MYO1D: variants seen among roughly 807,000 people sequenced by gnomAD.
MYO1D encodes the protein myosin ID, also known as unconventional myosin-Id.
A neutral mutation model predicts 122.0 loss-of-function variants in MYO1D; 83 were observed. The ratio of observed to expected loss-of-function variants is 0.68; its 90% CI spans 0.57 to 0.82. The LOEUF is 0.82. Ranked by LOEUF, MYO1D falls within the 40% of genes least tolerant of loss-of-function variation. The pLI, the probability that MYO1D is intolerant of heterozygous loss-of-function variation, is 0.00. For missense variants in MYO1D, 1,157 were observed against 1,269.5 expected (o/e 0.91, Z 1.35); for synonymous variants, 464 against 446.9 (o/e 1.04, Z -0.48).
At chr17:32,547,195 T>C (rs956934293) in intron 21 of MYO1D, among the ~76,000 whole-genome samples, 1 of 152,152 alleles carries the variant, frequency 6.6e-6, no homozygotes, top group Non-Finnish European at 1.5e-5. Flanking sequence ...GTGTGGGCCA[T>C]TGTGCCGGCA....
intron 21 of MYO1D, among the ~76,000 whole-genome samples, chr17:32,514,484 A>C (rs1909817830): frequency 6.6e-6 from 1 of 152,196 alleles, no homozygotes; most frequent in Admixed American, 6.5e-5. Context: ...GAAAATGTCC[A>C]AACTTTAAAA....
intron 11 of MYO1D, among the ~76,000 whole-genome samples, chr17:32,751,827 A>G (rs1488202560): frequency 6.6e-6 from 1 of 152,220 alleles, no homozygotes; most frequent in African/African-American, 2.4e-5. Context: ...GGAAGAATTA[A>G]TGTCATTAAA....
intron 5 of MYO1D, 120 bp downstream of exon 5, chr17:32,772,669 A>G: frequency 1.2e-6 from 1 of 811,580 alleles, no homozygotes; most frequent in African/African-American, 1.7e-5. Flanking sequence ...TGCATGCGTG[A>G]CATGTTACGG....
intron 11 of MYO1D, among the ~76,000 whole-genome samples, chr17:32,752,087 T>A (rs565388701): frequency 7.3e-4 from 111 of 152,202 alleles, no homozygotes; most frequent in African/African-American, 2.6e-3. Flanking sequence ...GACATATAGA[T>A]CAATGGGACA....
chr17:32,666,176 T>A (rs546480370), intron 16 of MYO1D, among the ~76,000 whole-genome samples: 14 of 152,252 alleles, frequency 9.2e-5, no homozygotes, highest in African/African-American at 3.1e-4. Context: ...ACCAACCTCC[T>A]CTGTCAGGGC....
In MYO1D at chr17:32,739,641, TA is replaced by T. The variant is rs939885499; in HGVS notation, c.1614-1257del. Among the ~76,000 whole-genome samples, 60 of 151,440 alleles carry T rather than the reference TA, an allele frequency of 4.0e-4. No homozygotes were observed. The East Asian group carries it at 9.9e-3, about 25-fold the overall frequency. ...ATGTACCCTAGAACTAAAAGTATAA[TA>T]AAAAAAAATTGGGGGTTGAGAAGAG... On this transcript the variant is annotated intron_variant, in intron 13 of 21. Coordinates refer to ENST00000318217, the MANE Select transcript of MYO1D (RefSeq NM_015194.3).
chr17:32,700,906 T>C (rs1421616034), intron 16 of MYO1D, among the ~76,000 whole-genome samples: 1 of 147,238 alleles, frequency 6.8e-6, no homozygotes. Context: ...ATCACGCCAT[T>C]GTACTCCAGC....
chr17:32,551,261 GCTCAGAT>G (rs1222964281), intron 21 of MYO1D, among the ~76,000 whole-genome samples: 1 of 152,148 alleles, frequency 6.6e-6, no homozygotes, highest in Admixed American at 6.5e-5. Context: ...GGCAGTGCAT[GCTCAGAT>G]CATACATTTT....
chr17:32,596,372 G>A (rs913536402), intron 21 of MYO1D, among the ~76,000 whole-genome samples: 1 of 152,170 alleles, frequency 6.6e-6, no homozygotes, highest in Non-Finnish European at 1.5e-5. Flanking sequence ...TCTGCTGGAC[G>A]GGGAGGGCCA....
intron 21 of MYO1D, among the ~76,000 whole-genome samples, chr17:32,540,586 T>C (rs955888633): frequency 5.9e-5 from 9 of 151,986 alleles, no homozygotes; most frequent in African/African-American, 1.7e-4. Flanking sequence ...AAATCAAAAC[T>C]ACACTGAGAT....
intron 11 of MYO1D, among the ~76,000 whole-genome samples, chr17:32,749,519 C>A (rs1282840394): frequency 6.6e-6 from 1 of 152,098 alleles, no homozygotes; most frequent in Non-Finnish European, 1.5e-5. Flanking sequence ...TTGCTTGAGA[C>A]CAGTAGTTCA....
intron 21 of MYO1D, among the ~76,000 whole-genome samples, chr17:32,559,739 A>G (rs533261707): frequency 2.6e-5 from 4 of 152,156 alleles, no homozygotes; most frequent in Non-Finnish European, 5.9e-5. Flanking sequence ...TTTTTATCAC[A>G]TTTCATCATT....
intron 1 of MYO1D, among the ~76,000 whole-genome samples, chr17:32,874,548 C>T (rs1598174558): frequency 6.6e-6 from 1 of 152,164 alleles, no homozygotes; most frequent in Non-Finnish European, 1.5e-5. Flanking sequence ...GTCACCTCTT[C>T]GAGAGGTAAG....
intron 21 of MYO1D, among the ~76,000 whole-genome samples, chr17:32,597,889 AAAAG>A (rs1212735306): frequency 3.3e-5 from 5 of 151,190 alleles, no homozygotes; most frequent in Admixed American, 6.6e-5. Flanking sequence ...AAAAAAAAAA[AAAAG>A]AAATCTCGTT....
At chr17:32,793,282 C>T (rs2090375674) in intron 1 of MYO1D, among the ~76,000 whole-genome samples, 1 of 148,854 alleles carries the variant, frequency 6.7e-6, no homozygotes, top group East Asian at 2.0e-4. Flanking sequence ...GCAGTAAGCA[C>T]AACGATAGAG....
chr17:32,605,323 G>A, intron 20 of MYO1D, 82 bp from the exon 21 acceptor site: 1 of 1,324,236 alleles, frequency 7.6e-7, no homozygotes, highest in Non-Finnish European at 1.0e-6. Context: ...AGCTGGGCAT[G>A]GTGGCATGTG....
At chr17:32,526,841 G>C (rs1910359652) in intron 21 of MYO1D, among the ~76,000 whole-genome samples, 1 of 152,160 alleles carries the variant, frequency 6.6e-6, no homozygotes, top group Non-Finnish European at 1.5e-5. Context: ...TCTTGACAAG[G>C]AGGTAGAATA....
intron 21 of MYO1D, among the ~76,000 whole-genome samples, chr17:32,526,576 A>G (rs982997312): frequency 1.3e-5 from 2 of 151,508 alleles, no homozygotes; most frequent in African/African-American, 2.4e-5. Flanking sequence ...CTTTATCTAG[A>G]TCTTGGTACT....
At chr17:32,872,439 A>AT (rs979278605) in intron 1 of MYO1D, among the ~76,000 whole-genome samples, 5 of 150,286 alleles carry the variant, frequency 3.3e-5, no homozygotes, top group African/African-American at 4.9e-5. Flanking sequence ...CGCCTGGCTA[A>AT]TTTTTTTTGT....
Sources: allele counts gnomAD v4.1 joint callset (sites outside exome capture counted in the v4.1 genomes callset), GRCh38; gene constraint gnomAD v4.1.1; transcripts MANE v1.5; gene names NCBI Gene and HGNC (gene_info 2026-07-23, HGNC 2026-07-21).